The following PLS1 variants were observed in gnomAD, a reference collection of about 807,000 sequenced individuals.
PLS1 encodes plastin-1.
PLS1 carries 32 observed loss-of-function variants against 73.7 expected under a neutral mutation model. That is an observed-to-expected ratio of 0.43 (90% CI 0.33 to 0.58). PLS1 has a LOEUF of 0.58. Among genes scored for constraint, PLS1 ranks in the 20% least tolerant of loss-of-function variants. The probability of loss-of-function intolerance (pLI) is 0.04; values close to 1 mark genes in which losing one functional copy is unlikely to be tolerated. For missense variants in PLS1, 633 were observed against 740.5 expected, an observed-to-expected ratio of 0.85 and a Z score of 1.68; for synonymous variants, 217 against 261.3, an observed-to-expected ratio of 0.83 and a Z score of 1.63.
chr3:142,637,993 A>C (rs920687770), intron 1 of PLS1, among the ~76,000 whole-genome samples: 4 of 152,088 alleles, frequency 2.6e-5, no homozygotes, highest in African/African-American at 9.7e-5. Flanking sequence ...CCATCGGAAA[A>C]GGTGATAGTT....
At chr3:142,663,392 A>C (rs1008098996) in intron 1 of PLS1, among the ~76,000 whole-genome samples, 1 of 152,144 alleles carries the variant, frequency 6.6e-6, no homozygotes, top group Non-Finnish European at 1.5e-5. Context: ...GCCCAGTTTT[A>C]CATAATTTTT....
At position 142,689,930 on chromosome 3, in the gene PLS1, T is replaced by C. The variant is rs761804250; in HGVS notation, c.1177+117T>C. 1.8e-4 allele frequency: 96 copies of C among 548,220 alleles called. 1 individual carries two copies. The highest frequency in any genetic ancestry group is 2.6e-4 in the Non-Finnish European group (85 of 332,864). The allele number at this position is 548,220 out of a possible 1,614,324, so 34.0% of individuals were successfully genotyped here. A position where few individuals can be genotyped will look rare whatever the true frequency, so the allele number is the denominator to read the frequency against. ...AAATGCAATTTAGTGTGTGTAGGTA[T>C]GTGTATCTATTGAAAAATTAAAATT... On this transcript the variant is annotated intron_variant, in intron 10 of 15. Transcript: ENST00000457734.
At chr3:142,662,115 G>A (rs1017838683) in intron 1 of PLS1, among the ~76,000 whole-genome samples, 5 of 152,126 alleles carry the variant, frequency 3.3e-5, no homozygotes, top group South Asian at 2.1e-4. Context: ...ACATGCACAC[G>A]TATGTTTATT....
At chr3:142,624,567 G>A (rs2036380667) in intron 1 of PLS1, among the ~76,000 whole-genome samples, 1 of 152,170 alleles carries the variant, frequency 6.6e-6, no homozygotes, top group Non-Finnish European at 1.5e-5. Flanking sequence ...AGACCCCAGT[G>A]CCAAAGAATT....
At chr3:142,659,546 T>G (rs1450287623) in intron 1 of PLS1, among the ~76,000 whole-genome samples, 1 of 152,174 alleles carries the variant, frequency 6.6e-6, no homozygotes, top group Non-Finnish European at 1.5e-5. Context: ...TATTTGTTTG[T>G]TTTGGTAGGC....
At chr3:142,613,019 G>A (rs930532366) in intron 1 of PLS1, among the ~76,000 whole-genome samples, 8 of 152,096 alleles carry the variant, frequency 5.3e-5, no homozygotes, top group Non-Finnish European at 7.4e-5. Context: ...GCCTGCCTCC[G>A]CCTCCCAAAG....
chr3:142,621,841 T>G (rs1194170397), intron 1 of PLS1, among the ~76,000 whole-genome samples: 1 of 152,170 alleles, frequency 6.6e-6, no homozygotes, highest in Non-Finnish European at 1.5e-5. Context: ...AATATATGTT[T>G]TAGTCAAGAG....
intron 11 of PLS1, 35 bp from the exon 12 acceptor site, chr3:142,697,917 TC>T: frequency 1.6e-6 from 2 of 1,217,538 alleles, no homozygotes; most frequent in South Asian, 2.4e-5. Context: ...ACCCAACATT[TC>T]CTCCTCCTTT....
chr3:142,660,760 CT>C (rs1408740347), intron 1 of PLS1, among the ~76,000 whole-genome samples: 2 of 152,116 alleles, frequency 1.3e-5, no homozygotes, highest in Non-Finnish European at 2.9e-5. Context: ...CACTTATTAG[CT>C]ATAAAAACAA....
At chr3:142,702,679 CA>C (rs1560076924) in intron 12 of PLS1, among the ~76,000 whole-genome samples, 1 of 152,072 alleles carries the variant, frequency 6.6e-6, no homozygotes. Flanking sequence ...GTAAGAAACA[CA>C]GCAGTAGATG....
At chr3:142,600,877 C>CTCATATATATATATATAT (rs1491308964) in intron 1 of PLS1, among the ~76,000 whole-genome samples, 1 of 23,532 alleles carries the variant, frequency 4.2e-5, no homozygotes, top group Non-Finnish European at 7.4e-5. Flanking sequence ...GGCCTGGTTT[C>CTCATATATATATATATAT]ATATATATAT....
chr3:142,604,997 T>C (rs2035994081), intron 1 of PLS1, among the ~76,000 whole-genome samples: 1 of 152,086 alleles, frequency 6.6e-6, no homozygotes, highest in South Asian at 2.1e-4. Context: ...AATCTCTGAA[T>C]GTTTAGTGGT....
chr3:142,610,338 C>G (rs1222920742), intron 1 of PLS1, among the ~76,000 whole-genome samples: 1 of 152,132 alleles, frequency 6.6e-6, no homozygotes, highest in Non-Finnish European at 1.5e-5. Context: ...CACTAAATTA[C>G]CTTAAAAATA....
intron 12 of PLS1, among the ~76,000 whole-genome samples, chr3:142,700,020 A>G (rs2038293954): frequency 6.6e-6 from 1 of 152,208 alleles, no homozygotes; most frequent in Non-Finnish European, 1.5e-5. Context: ...TAACAGGAAA[A>G]CAGAAATTAA....
intron 1 of PLS1, among the ~76,000 whole-genome samples, chr3:142,640,779 G>A (rs528735083): frequency 1.2e-4 from 18 of 152,268 alleles, no homozygotes; most frequent in African/African-American, 4.3e-4. Flanking sequence ...TTAGAGGCCA[G>A]TTTGGATTTA....
In PLS1 at chr3:142,646,625, T is replaced by C. The variant is rs978435979; in HGVS notation, c.-36-17577T>C. ...TGGGAACTAGACTGTCATCCTCAGA[T>C]AGCAGCAGAGGCATCTGGAGACAGT... On this transcript the variant is annotated intron_variant, in intron 1 of 15. Transcript: ENST00000457734. Among the ~76,000 whole-genome samples the C allele has an allele frequency of 1.3e-4, 20 of 152,256 alleles. 1 individual carries two copies. The highest frequency in any genetic ancestry group is 1.3e-4 in the Admixed American group (2 of 15,288).
At chr3:142,678,586 T>C (rs62278478) in intron 6 of PLS1, among the ~76,000 whole-genome samples, 9,575 of 151,754 alleles carry the variant, frequency 0.063, 427 homozygotes, top group Non-Finnish European at 0.099. Context: ...TCCATGTCCC[T>C]ACAAAGGACA....
At chr3:142,675,619 T>C (rs1030629180) in intron 4 of PLS1, among the ~76,000 whole-genome samples, 6 of 152,058 alleles carry the variant, frequency 3.9e-5, no homozygotes, top group African/African-American at 1.4e-4. Flanking sequence ...TCTCTTGACC[T>C]CGTGATCTGC....
chr3:142,638,621 G>A (rs1393756799), intron 1 of PLS1, among the ~76,000 whole-genome samples: 1 of 152,210 alleles, frequency 6.6e-6, no homozygotes, highest in Non-Finnish European at 1.5e-5. Context: ...ATGTAATGAT[G>A]TACTAGCTTG....
Sources: allele counts gnomAD v4.1 joint callset (sites outside exome capture counted in the v4.1 genomes callset), GRCh38; gene constraint gnomAD v4.1.1; transcripts MANE v1.5; gene names NCBI Gene and HGNC (gene_info 2026-07-23, HGNC 2026-07-21).